The following CSMD3 variants were observed in gnomAD, a reference collection of about 807,000 sequenced individuals.
CSMD3 encodes the protein CUB and Sushi multiple domains 3.
In CSMD3, 177 loss-of-function variants were observed where a neutral mutation model predicts 435.2. The ratio of observed to expected loss-of-function variants is 0.41; its 90% CI spans 0.36 to 0.46. The LOEUF (loss-of-function observed/expected upper bound fraction) is 0.46, where lower values mean the gene tolerates loss of function less well. Ranked by LOEUF, CSMD3 falls within the 20% of genes least tolerant of loss-of-function variation. The probability of loss-of-function intolerance (pLI) is 0.34; values close to 1 mark genes in which losing one functional copy is unlikely to be tolerated. For missense variants in CSMD3, 4,265 were observed against 4,504.6 expected (o/e 0.95, Z 1.52); for synonymous variants, 1,656 against 1,520.5 (o/e 1.09, Z -2.07).
At chr8:112,955,266 C>T (rs929277305) in intron 7 of CSMD3, among the ~76,000 whole-genome samples, 2 of 151,620 alleles carry the variant, frequency 1.3e-5, no homozygotes, top group African/African-American at 2.4e-5. Flanking sequence ...ATAGCTCTGT[C>T]AATCATTTCC....
chr8:113,274,933 C>T (rs72670733), intron 3 of CSMD3, among the ~76,000 whole-genome samples: 17,570 of 151,370 alleles, frequency 0.12, 1,689 homozygotes, highest in African/African-American at 0.26. Flanking sequence ...TGTGTGATTA[C>T]TTCAACAGCT....
chr8:112,736,124 A>G (rs1249854716), intron 13 of CSMD3, among the ~76,000 whole-genome samples: 5 of 152,058 alleles, frequency 3.3e-5, no homozygotes, highest in Non-Finnish European at 5.9e-5. Context: ...ATATATGTAG[A>G]CTGAATGAAT....
At chr8:112,388,830 A>T (rs912582324) in intron 36 of CSMD3, among the ~76,000 whole-genome samples, 5 of 152,186 alleles carry the variant, frequency 3.3e-5, no homozygotes, top group Non-Finnish European at 7.4e-5. Flanking sequence ...ATGGAATTAG[A>T]CAAGGTCCCA....
At chr8:112,988,110 T>A (rs1267550501) in intron 6 of CSMD3, among the ~76,000 whole-genome samples, 1 of 152,008 alleles carries the variant, frequency 6.6e-6, no homozygotes, top group Non-Finnish European at 1.5e-5. Flanking sequence ...TGGACAATGA[T>A]GACTAAATGG....
intron 13 of CSMD3, among the ~76,000 whole-genome samples, chr8:112,757,386 GTA>G (rs1351641695): frequency 6.6e-6 from 1 of 151,826 alleles, no homozygotes; most frequent in African/African-American, 2.4e-5. Context: ...ATATTTAGAT[GTA>G]TATATATACA....
At chr8:112,459,087 T>C (rs925059741) in intron 32 of CSMD3, among the ~76,000 whole-genome samples, 14 of 152,106 alleles carry the variant, frequency 9.2e-5, no homozygotes, top group African/African-American at 3.1e-4. Flanking sequence ...AACCACTCTC[T>C]CCCTGCCACA....
intron 13 of CSMD3, among the ~76,000 whole-genome samples, chr8:112,735,369 G>A (rs934300041): frequency 6.6e-6 from 1 of 151,922 alleles, no homozygotes; most frequent in African/African-American, 2.4e-5. Context: ...CAACTTGAGT[G>A]TATCAGATCC....
At chr8:112,741,403 G>A (rs564721979) in intron 13 of CSMD3, among the ~76,000 whole-genome samples, 7 of 151,758 alleles carry the variant, frequency 4.6e-5, no homozygotes, top group Admixed American at 3.3e-4. Context: ...TCACAGTGAG[G>A]TAATCTGACA....
At chr8:113,162,858 G>C (rs2092072269) in intron 4 of CSMD3, among the ~76,000 whole-genome samples, 1 of 152,026 alleles carries the variant, frequency 6.6e-6, no homozygotes, top group African/African-American at 2.4e-5. Flanking sequence ...AAACATATAA[G>C]TTATTCTTCA....
At chr8:113,223,841 C>T (rs907555841) in intron 3 of CSMD3, among the ~76,000 whole-genome samples, 3 of 149,216 alleles carry the variant, frequency 2.0e-5, no homozygotes, top group Non-Finnish European at 4.5e-5. Context: ...CATGTTTCTG[C>T]TACTAAAATA....
chr8:113,288,512 C>A lies in CSMD3; in HGVS notation c.402-9808G>T, dbSNP rs530763160. Among the ~76,000 whole-genome samples, 4 of 151,964 alleles carry A rather than the reference C, an allele frequency of 2.6e-5. No individual in the cohort carries two copies. The South Asian group carries it at 8.3e-4, about 32-fold the overall frequency. ...ACTTCAAACCTTCTATAATGTCCCCCTTCTTATTTTTTCCATTGAATAACT... is the reference window on the plus strand; with the variant it reads ...ACTTCAAACCTTCTATAATGTCCCCATTCTTATTTTTTCCATTGAATAACT... On this transcript the variant is annotated intron_variant, in intron 2 of 70. Coordinates refer to ENST00000297405, the MANE Select transcript of CSMD3 (RefSeq NM_198123.2).
At chr8:113,333,095 A>G (rs1006524807) in intron 1 of CSMD3, among the ~76,000 whole-genome samples, 3 of 151,692 alleles carry the variant, frequency 2.0e-5, no homozygotes, top group African/African-American at 4.8e-5. Flanking sequence ...AAGTATTTAA[A>G]AAAACACTTT....
chr8:112,545,976 T>G (rs1487884762), intron 27 of CSMD3, among the ~76,000 whole-genome samples: 2 of 152,184 alleles, frequency 1.3e-5, no homozygotes, highest in Non-Finnish European at 2.9e-5. Flanking sequence ...TAATTCTGTC[T>G]AGTAGTTCAT....
At chr8:112,889,025 A>G (rs1185506496) in intron 10 of CSMD3, among the ~76,000 whole-genome samples, 1 of 151,704 alleles carries the variant, frequency 6.6e-6, no homozygotes, top group Non-Finnish European at 1.5e-5. Flanking sequence ...AGAAAGTTAA[A>G]TCATTTAGAA....
At chr8:112,233,304 A>T (rs1231325648) in intron 68 of CSMD3, among the ~76,000 whole-genome samples, 1 of 152,194 alleles carries the variant, frequency 6.6e-6, no homozygotes, top group Non-Finnish European at 1.5e-5. Flanking sequence ...CAAGTCTGAC[A>T]TTTCACAACA....
chr8:113,354,157 A>G (rs2094206959), intron 1 of CSMD3, among the ~76,000 whole-genome samples: 1 of 152,158 alleles, frequency 6.6e-6, no homozygotes, highest in Non-Finnish European at 1.5e-5. Context: ...TACTGTGTCA[A>G]AGAGAGAGAA....
At chr8:112,772,433 C>T (rs953490003) in intron 13 of CSMD3, among the ~76,000 whole-genome samples, 1 of 152,112 alleles carries the variant, frequency 6.6e-6, no homozygotes, top group African/African-American at 2.4e-5. Context: ...CATCACCACT[C>T]CCTAATCTCA....
chr8:112,789,903 G>C (rs2132283743), intron 13 of CSMD3, among the ~76,000 whole-genome samples: 1 of 151,726 alleles, frequency 6.6e-6, no homozygotes, highest in Non-Finnish European at 1.5e-5. Context: ...GGGAATATTG[G>C]GGAATTACAA....
Position 113,023,016 on chromosome 8 carries a change from TTA to T in CSMD3, c.918-3839_918-3838del, listed in dbSNP as rs2086738738. 2.0e-5 allele frequency among the ~76,000 whole-genome samples: 3 copies of T among 152,072 alleles called. No homozygotes were observed. The South Asian group carries it at 6.2e-4, about 32-fold the overall frequency. On this transcript the variant is annotated intron_variant, in intron 5 of 70. Transcript: ENST00000297405. ...AATCCTTACAACATGATTTTAAGAA[TTA>T]GTTAAACATAAGAAAATTGAGAGAA...
Sources: gnomAD v4.1 joint callset for allele counts (sites outside exome capture counted in the v4.1 genomes callset) on GRCh38, gnomAD v4.1.1 for gene constraint, MANE v1.5 for transcripts, NCBI Gene and HGNC (gene_info 2026-07-23, HGNC 2026-07-21) for gene names.